TRIM67: variants seen among roughly 807,000 people sequenced by gnomAD.
TRIM67 encodes tripartite motif-containing protein 67.
A neutral mutation model predicts 71.0 loss-of-function variants in TRIM67; 39 were observed. That is an observed-to-expected ratio of 0.55 (90% CI 0.43 to 0.72). The LOEUF (loss-of-function observed/expected upper bound fraction) is 0.72. Ranked by LOEUF, TRIM67 falls within the 30% of genes least tolerant of loss-of-function variation. TRIM67 has a pLI of 0.00. For missense variants in TRIM67, 973 were observed against 1,079.2 expected, an observed-to-expected ratio of 0.90 and a Z score of 1.38; for synonymous variants, 481 against 473.9, an observed-to-expected ratio of 1.01 and a Z score of -0.19.
chr1:231,219,695 A>G lies in TRIM67; in HGVS notation c.*4255A>G, dbSNP rs1354404704. Reference sequence around the variant, plus strand: ...CTTCTTAATGGGTTTGTGGCCCTCAATTGGTTTTTAAAAAAATCTAACAGA... The same window carrying G: ...CTTCTTAATGGGTTTGTGGCCCTCAGTTGGTTTTTAAAAAAATCTAACAGA... On this transcript the variant is annotated 3_prime_UTR_variant, in exon 10 of 10. Transcript: ENST00000366653. 2.5e-6 allele frequency: 3 copies of G among 1,185,042 alleles called. No homozygotes were observed. The highest frequency in any genetic ancestry group is 5.9e-5 in the East Asian group (1 of 16,938). The allele number at this position is 1,185,042 out of a possible 1,614,324, so 73.4% of individuals were successfully genotyped here.
intron 1 of TRIM67, among the ~76,000 whole-genome samples, chr1:231,196,004 G>A (rs905838760): frequency 6.6e-6 from 1 of 152,186 alleles, no homozygotes; most frequent in Admixed American, 6.5e-5. Context: ...CATGTGCCGG[G>A]TACTCTTCCA....
In TRIM67 at chr1:231,218,930, C is replaced by T; in HGVS notation, c.*3490C>T. On this transcript the variant is annotated 3_prime_UTR_variant, in exon 10 of 10. Transcript: ENST00000366653. ...GCACTCTCAGGAAAGGATCAGAATG[C>T]AGGATCTTTGTGTATTTCTTCCAGG... is the stretch of plus-strand genomic sequence containing the variant. 1.0e-6 allele frequency: 1 copy of T among 985,496 alleles called. No homozygotes were observed. Among genetic ancestry groups the T allele is most frequent in the Non-Finnish European group, 1.2e-6 (1 of 829,966 alleles). The allele number at this position is 985,496 out of a possible 1,614,324, so 61.0% of individuals were successfully genotyped here. A position where few individuals can be genotyped will look rare whatever the true frequency, so the allele number is the denominator to read the frequency against.
At chr1:231,196,650 T>C (rs1257353889) in intron 1 of TRIM67, among the ~76,000 whole-genome samples, 3 of 152,100 alleles carry the variant, frequency 2.0e-5, no homozygotes, top group African/African-American at 4.8e-5. Flanking sequence ...TGTGTGTATG[T>C]GGTTCGTTAC....
chr1:231,185,216 G>A (rs1267051039), intron 1 of TRIM67: 1 of 1,532,886 alleles, frequency 6.5e-7, no homozygotes, highest in African/African-American at 1.4e-5. Flanking sequence ...AGGATTCCCA[G>A]AGCCTTTATC....
rs750034475 is a variant in TRIM67, at chr1:231,218,950, T to G, written c.*3510T>G. 152 of 985,352 alleles carry G rather than the reference T, an allele frequency of 1.5e-4. No homozygotes were observed. Among genetic ancestry groups the G allele is most frequent in the Non-Finnish European group, 1.8e-4 (148 of 829,956 alleles). 61.0% of individuals were successfully genotyped at this position (985,352 alleles called of 1,614,324 possible). A position where few individuals can be genotyped will look rare whatever the true frequency, so the allele number is the denominator to read the frequency against. On this transcript the variant is annotated 3_prime_UTR_variant, in exon 10 of 10. Transcript: ENST00000366653. ...GAATGCAGGATCTTTGTGTATTTCT[T>G]CCAGGGATATTTGCATTTAAGCCTT... is the stretch of plus-strand genomic sequence containing the variant.
In TRIM67 at chr1:231,220,239, G is replaced by T; in HGVS notation, c.*4799G>T. On this transcript the variant is annotated 3_prime_UTR_variant, in exon 10 of 10. Coordinates refer to ENST00000366653, the MANE Select transcript of TRIM67 (RefSeq NM_001004342.5). ...TTGTGACCAGGGCAAGGAGCTGCCT[G>T]GCCTCCAGTGGGTAAAATAGACCTT... 3.2e-6 allele frequency: 1 copy of T among 315,594 alleles called. No homozygotes were observed. The highest frequency in any genetic ancestry group is 4.2e-5 in the Admixed American group (1 of 23,618). The allele number at this position is 315,594 out of a possible 1,614,324, so 19.5% of individuals were successfully genotyped here. A position where few individuals can be genotyped will look rare whatever the true frequency, so the allele number is the denominator to read the frequency against.
chr1:231,200,066 G>A lies in TRIM67; in HGVS notation c.1264-82G>A, dbSNP rs1571893995. ...GCGCCGCCTCTTCCAGGCTGTATTG[G>A]CACTAGTTCTCTGACTCTTGCGGTG... On this transcript the variant is annotated intron_variant, in intron 3 of 9. Coordinates refer to ENST00000366653, the MANE Select transcript of TRIM67 (RefSeq NM_001004342.5). The A allele has an allele frequency of 1.2e-5, 12 of 1,042,850 alleles. No homozygotes were observed. The East Asian group carries it at 2.1e-4, about 19-fold the overall frequency. 64.6% of individuals were successfully genotyped at this position (1,042,850 alleles called of 1,614,324 possible). A position where few individuals can be genotyped will look rare whatever the true frequency, so the allele number is the denominator to read the frequency against.
chr1:231,164,832 A>ACTAAC (rs1211203419), intron 1 of TRIM67, among the ~76,000 whole-genome samples: 1 of 152,222 alleles, frequency 6.6e-6, no homozygotes, highest in Non-Finnish European at 1.5e-5. Flanking sequence ...AGACTAAGAG[A>ACTAAC]CTAACCATTC....
intron 9 of TRIM67, among the ~76,000 whole-genome samples, chr1:231,214,735 C>T (rs934323630): frequency 6.9e-6 from 1 of 145,708 alleles, no homozygotes; most frequent in African/African-American, 2.6e-5. Context: ...GCCGAGATCG[C>T]ACCACTGCAC....
rs1684057693 is a variant in TRIM67 at position 231,217,990 on chromosome 1, A to G, written c.*2550A>G. On this transcript the variant is annotated 3_prime_UTR_variant, in exon 10 of 10. Transcript: ENST00000366653. ...CCTTTTCTGACTCCTCCAGGAGCCC[A>G]GAAGCAATACGGCCGATGCCAGGGA... The G allele has an allele frequency of 1.6e-6, 2 of 1,222,600 alleles. No individual in the cohort carries two copies. The highest frequency in any genetic ancestry group is 2.1e-6 in the Non-Finnish European group (2 of 957,776). The allele number at this position is 1,222,600 out of a possible 1,614,324, so 75.7% of individuals were successfully genotyped here. A position where few individuals can be genotyped will look rare whatever the true frequency, so the allele number is the denominator to read the frequency against.
intron 5 of TRIM67, among the ~76,000 whole-genome samples, chr1:231,202,678 T>C (rs1168995938): frequency 6.6e-6 from 1 of 152,142 alleles, no homozygotes; most frequent in Non-Finnish European, 1.5e-5. Flanking sequence ...TTTGTGGCCA[T>C]TTTAAACTAA....
At position 231,218,909 on chromosome 1, in the gene TRIM67, TC is replaced by T. The variant is rs1684077602; in HGVS notation, c.*3470del. 1.0e-6 allele frequency: 1 copy of T among 985,372 alleles called. No homozygotes were observed. The highest frequency in any genetic ancestry group is 1.7e-5 in the African/African-American group (1 of 57,218). The allele number at this position is 985,372 out of a possible 1,614,324, so 61.0% of individuals were successfully genotyped here. A position where few individuals can be genotyped will look rare whatever the true frequency, so the allele number is the denominator to read the frequency against. ...CCTGCCCTCCGCCCCACCACAGCACTCTCAGGAAAGGATCAGAATGCAGGAT... is the reference window on the plus strand; with the variant it reads ...CCTGCCCTCCGCCCCACCACAGCACTTCAGGAAAGGATCAGAATGCAGGAT... On this transcript the variant is annotated 3_prime_UTR_variant, in exon 10 of 10. Transcript: ENST00000366653.
At chr1:231,196,684 A>G (rs1031697855) in intron 1 of TRIM67, among the ~76,000 whole-genome samples, 1 of 152,174 alleles carries the variant, frequency 6.6e-6, no homozygotes, top group Non-Finnish European at 1.5e-5. Context: ...GCCAAAAGCC[A>G]TAGATTTGAG....
chr1:231,215,793 G>A lies in TRIM67; in HGVS notation c.*353G>A. On this transcript the variant is annotated 3_prime_UTR_variant, in exon 10 of 10. Transcript: ENST00000366653. ...CAAAGCTTGTCTTTTTTTGGAGGGA[G>A]AGGAAGGTAGACTTTGAGACTGGCC... 1 of 1,058,312 alleles carries A rather than the reference G, an allele frequency of 9.4e-7. No individual in the cohort carries two copies. The highest frequency in any genetic ancestry group is 1.1e-6 in the Non-Finnish European group (1 of 877,750). 65.6% of individuals were successfully genotyped at this position (1,058,312 alleles called of 1,614,324 possible).
chr1:231,183,132 C>A (rs1682952974), intron 1 of TRIM67, among the ~76,000 whole-genome samples: 1 of 152,102 alleles, frequency 6.6e-6, no homozygotes, highest in Non-Finnish European at 1.5e-5. Flanking sequence ...AAGAAGAGAC[C>A]TCTCATCATC....
chr1:231,192,203 T>A (rs1190771445), intron 1 of TRIM67, among the ~76,000 whole-genome samples: 1 of 93,570 alleles, frequency 1.1e-5, no homozygotes, highest in Admixed American at 9.0e-5. Flanking sequence ...ACTCTCCCTG[T>A]CTCTCTCTCT....
intron 1 of TRIM67, among the ~76,000 whole-genome samples, chr1:231,175,470 A>G (rs888898274): frequency 6.6e-6 from 1 of 152,246 alleles, no homozygotes; most frequent in African/African-American, 2.4e-5. Context: ...GAGATGGAGA[A>G]CAGTTTATTA....
intron 1 of TRIM67, among the ~76,000 whole-genome samples, chr1:231,190,995 G>A (rs539783577): frequency 1.4e-3 from 206 of 152,262 alleles, no homozygotes; most frequent in African/African-American, 4.6e-3. Flanking sequence ...TCAATCACAG[G>A]GTGATCAAGG....
At chr1:231,185,526 A>G (rs1683046553) in intron 1 of TRIM67, among the ~76,000 whole-genome samples, 1 of 151,772 alleles carries the variant, frequency 6.6e-6, no homozygotes, top group South Asian at 2.1e-4. Flanking sequence ...GAGAAGTGGG[A>G]TCCCTAGTAG....
Sources: gnomAD v4.1 joint callset for allele counts (sites outside exome capture counted in the v4.1 genomes callset) on GRCh38, gnomAD v4.1.1 for gene constraint, MANE v1.5 for transcripts, NCBI Gene and HGNC (gene_info 2026-07-23, HGNC 2026-07-21) for gene names.